Variants in ALLC observed in about 807,000 individuals in gnomAD.
ALLC encodes the protein probable inactive allantoicase.
A neutral mutation model predicts 45.0 loss-of-function variants in ALLC; 40 were observed. The ratio of observed to expected loss-of-function variants is 0.89; its 90% CI spans 0.69 to 1.16. The LOEUF (loss-of-function observed/expected upper bound fraction) is 1.16, where lower values mean the gene tolerates loss of function less well. ALLC is among the 50% of genes most tolerant of loss of function. ALLC has a pLI of 0.00. For missense variants in ALLC, 488 were observed against 493.1 expected, an observed-to-expected ratio of 0.99 and a Z score of 0.10; for synonymous variants, 176 against 178.1, an observed-to-expected ratio of 0.99 and a Z score of 0.09.
chr2:3,668,012 G>A (rs562572785), intron 1 of ALLC, among the ~76,000 whole-genome samples: 24 of 152,140 alleles, frequency 1.6e-4, no homozygotes, highest in African/African-American at 4.3e-4. Flanking sequence ...TGATCTGCCC[G>A]CCTCGGCCTC....
At chr2:3,655,431 ATG>A (rs1367399365), upstream of ALLC, among the ~76,000 whole-genome samples, 1 of 152,180 alleles carries the variant, frequency 6.6e-6, no homozygotes, top group Non-Finnish European at 1.5e-5. Flanking sequence ...TGCACAGTTT[ATG>A]TGACTGTCAA....
upstream of ALLC, among the ~76,000 whole-genome samples, chr2:3,657,374 G>A (rs1666467306): frequency 6.6e-6 from 1 of 152,230 alleles, no homozygotes; most frequent in African/African-American, 2.4e-5. Flanking sequence ...GGAAAAAGGA[G>A]CGTGTGGGTG....
intron 9 of ALLC, 128 bp from the exon 10 acceptor site, chr2:3,697,220 A>T: frequency 1.5e-6 from 1 of 647,834 alleles, no homozygotes; most frequent in Non-Finnish European, 2.7e-6. Flanking sequence ...ACATCAGGCC[A>T]CAGGAAACAC....
chr2:3,683,004 T>C lies in ALLC; in HGVS notation c.441T>C (p.Ala147=), dbSNP rs113101825. 241 of 1,614,044 alleles carry C rather than the reference T, an allele frequency of 1.5e-4. 1 individual carries two copies. The African/African-American group carries it at 2.5e-3, about 17-fold the overall frequency. ...PMTELKPGNP[A]SGHNYFLVNS... Reference sequence around the variant, plus strand: ...CTGAGCTTAAGCCAGGAAACCCTGCTTCCGGCCACAACTATTTTCTTGTCA... The same window carrying C: ...CTGAGCTTAAGCCAGGAAACCCTGCCTCCGGCCACAACTATTTTCTTGTCA... The change falls in exon 7 of 12, where the codon GCT becomes GCC. Residue 147 remains alanine, a synonymous_variant. Transcript: ENST00000252505.
Position 3,697,670 on chromosome 2 carries a change from T to C in ALLC, c.850+214T>C, listed in dbSNP as rs1667716780. Among the ~76,000 whole-genome samples the C allele has an allele frequency of 2.0e-5, 3 of 152,040 alleles. No homozygotes were observed. In the South Asian group the frequency reaches 6.3e-4, roughly 32 times the overall value. On this transcript the variant is annotated intron_variant, in intron 10 of 11. Coordinates refer to ENST00000252505, the MANE Select transcript of ALLC (RefSeq NM_018436.4). ...ATCTATCTATCTATCTATCTATCTT[T>C]TATTTATTTTTTTGAGATGGAGTCT...
At chr2:3,687,368 A>G (rs779108576) in intron 7 of ALLC, among the ~76,000 whole-genome samples, 1 of 150,916 alleles carries the variant, frequency 6.6e-6, no homozygotes, top group Non-Finnish European at 1.5e-5. Context: ...TTTTGCATCT[A>G]TGTCCATCAG....
chr2:3,687,665 G>T (rs13008924), intron 7 of ALLC, among the ~76,000 whole-genome samples: 2 of 150,608 alleles, frequency 1.3e-5, no homozygotes, highest in Middle Eastern at 6.9e-3. Context: ...GTTCAATCTT[G>T]GTAGATTGTA....
chr2:3,665,413 C>A (rs925956887), intron 1 of ALLC, among the ~76,000 whole-genome samples: 1 of 152,182 alleles, frequency 6.6e-6, no homozygotes, highest in Non-Finnish European at 1.5e-5. Flanking sequence ...ATCAACCCAT[C>A]ACCTAGGTGT....
intron 2 of ALLC, among the ~76,000 whole-genome samples, chr2:3,673,184 A>G (rs1666938408): frequency 6.6e-6 from 1 of 152,244 alleles, no homozygotes; most frequent in Admixed American, 6.5e-5. Flanking sequence ...AAGGGAGCCC[A>G]CATGCTCCAG....
At chr2:3,649,028 T>C in the ALLC span, among the ~76,000 whole-genome samples, 1 of 152,118 alleles carries the variant, frequency 6.6e-6, no homozygotes, top group African/African-American at 2.4e-5. Flanking sequence ...GTGGTGAACA[T>C]AGCCCAGGAC....
chr2:3,696,074 C>CTTT (rs1465223956), intron 8 of ALLC, among the ~76,000 whole-genome samples: 2 of 152,250 alleles, frequency 1.3e-5, no homozygotes, highest in East Asian at 3.9e-4. Flanking sequence ...TAATTTTGGC[C>CTTT]TAAGTAGCTG....
intron 2 of ALLC, among the ~76,000 whole-genome samples, chr2:3,672,046 T>G (rs1210404912): frequency 1.1e-5 from 1 of 91,100 alleles, no homozygotes; most frequent in African/African-American, 5.8e-5. Flanking sequence ...TAGTTAGACC[T>G]GTGGTCCTCT....
At chr2:3,652,581 T>TA in the ALLC span, among the ~76,000 whole-genome samples, 1 of 60,018 alleles carries the variant, frequency 1.7e-5, no homozygotes, top group African/African-American at 1.9e-4. Context: ...AACTTTGTGA[T>TA]TTTTTTTTTT....
the ALLC span, among the ~76,000 whole-genome samples, chr2:3,651,323 GTGTGT>G: frequency 2.0e-3 from 15 of 7,372 alleles, no homozygotes; most frequent in African/African-American, 0.011. Context: ...TGGGGGGGGT[GTGTGT>G]GTGTGTGTGT....
At chr2:3,657,597 C>T (rs1666472324), upstream of ALLC, among the ~76,000 whole-genome samples, 1 of 152,206 alleles carries the variant, frequency 6.6e-6, no homozygotes, top group African/African-American at 2.4e-5. Flanking sequence ...ACGTCTGTTA[C>T]TGCATGTCGA....
chr2:3,701,123 G>A (rs537294193), intron 10 of ALLC, among the ~76,000 whole-genome samples: 2 of 152,284 alleles, frequency 1.3e-5, no homozygotes, highest in South Asian at 2.1e-4. Flanking sequence ...ATATGTCATA[G>A]GAAAATATTT....
chr2:3,651,216 C>T, the ALLC span, among the ~76,000 whole-genome samples: 1 of 151,282 alleles, frequency 6.6e-6, no homozygotes. Context: ...AGGACGAGGA[C>T]GGCGGCGCCC....
At chr2:3,679,747 T>C (rs1417620348) in intron 4 of ALLC, 122 bp from the exon 5 acceptor site, 1 of 1,400,746 alleles carries the variant, frequency 7.1e-7, no homozygotes, top group Non-Finnish European at 1.0e-6. Flanking sequence ...CTGAACAGTT[T>C]TTTCTGTGAT....
chr2:3,655,820 G>A (rs892941045), upstream of ALLC, among the ~76,000 whole-genome samples: 4 of 152,264 alleles, frequency 2.6e-5, no homozygotes, highest in Middle Eastern at 3.4e-3. Context: ...GAAACCACTG[G>A]CCTCTTGCAG....
Sources: allele counts gnomAD v4.1 joint callset (sites outside exome capture counted in the v4.1 genomes callset), GRCh38; gene constraint gnomAD v4.1.1; transcripts MANE v1.5; gene names NCBI Gene and HGNC (gene_info 2026-07-23, HGNC 2026-07-21).